The following CDH8 variants were observed in gnomAD, a reference collection of about 807,000 sequenced individuals.
The protein encoded by CDH8 is cadherin-8.
A neutral mutation model predicts 68.1 loss-of-function variants in CDH8; 17 were observed. That is an observed-to-expected ratio of 0.25 (90% CI 0.17 to 0.37). The LOEUF is 0.37. CDH8 is among the 10% of genes least tolerant of loss of function. CDH8 has a pLI of 1.00. For missense variants in CDH8, 763 were observed against 999.3 expected, an observed-to-expected ratio of 0.76 and a Z score of 3.19; for synonymous variants, 372 against 365.1, an observed-to-expected ratio of 1.02 and a Z score of -0.21.
intron 10 of CDH8, among the ~76,000 whole-genome samples, chr16:61,659,027 G>T (rs919378700): frequency 8.5e-5 from 13 of 152,068 alleles, no homozygotes; most frequent in African/African-American, 3.1e-4. Context: ...ACTCACTGCT[G>T]CTGGTATATA....
At position 61,804,154 on chromosome 16, in the gene CDH8, A is replaced by T. The variant is rs563554873; in HGVS notation, c.1277+13325T>A. The stretch of plus-strand genomic sequence containing the variant: ...CAGTGCAATCAAACTAGAACTCAGG[A>T]TTAAGAATCTCACTCAAAGCTGCTC... On this transcript the variant is annotated intron_variant, in intron 7 of 11. Transcript: ENST00000577390. Among the ~76,000 whole-genome samples, 44 of 148,192 alleles carry T rather than the reference A, an allele frequency of 3.0e-4. 2 individuals are homozygous for T. In the South Asian group the frequency reaches 8.9e-3, roughly 30 times the overall value.
At chr16:61,723,800 C>A (rs1266744178) in intron 9 of CDH8, among the ~76,000 whole-genome samples, 1 of 150,518 alleles carries the variant, frequency 6.6e-6, no homozygotes, top group Non-Finnish European at 1.5e-5. Flanking sequence ...CCATTTTTGC[C>A]ATGGACGTTA....
intron 2 of CDH8, among the ~76,000 whole-genome samples, chr16:61,976,364 G>A (rs1413530073): frequency 6.6e-6 from 1 of 152,132 alleles, no homozygotes; most frequent in Non-Finnish European, 1.5e-5. Context: ...AATAGCCCAG[G>A]TTGATTTTAT....
chr16:61,871,326 G>A (rs1039990129), intron 3 of CDH8, among the ~76,000 whole-genome samples: 14 of 151,304 alleles, frequency 9.3e-5, no homozygotes, highest in African/African-American at 3.2e-4. Flanking sequence ...GATTACAGGT[G>A]TGTAATCCCA....
rs537431432 is a variant in CDH8 at position 61,656,238 on chromosome 16, G to A, written c.1655-517C>T. ...GTTGAATGAATGGGACCCCCTGACG[G>A]ACCAACGGAGTTTTACCGTCATCAC... On this transcript the variant is annotated intron_variant, in intron 10 of 11. Coordinates refer to ENST00000577390, the MANE Select transcript of CDH8 (RefSeq NM_001796.5). 6.6e-5 allele frequency among the ~76,000 whole-genome samples: 10 copies of A among 152,236 alleles called. No individual in the cohort carries two copies. The South Asian group carries it at 2.1e-3, about 32-fold the overall frequency.
chr16:61,977,968 C>T (rs900849249), intron 2 of CDH8, among the ~76,000 whole-genome samples: 1 of 152,074 alleles, frequency 6.6e-6, no homozygotes, highest in Non-Finnish European at 1.5e-5. Flanking sequence ...GTGTTGCTTT[C>T]TTTCATTGTT....
At chr16:61,886,391 T>C (rs1408212590) in intron 3 of CDH8, among the ~76,000 whole-genome samples, 1 of 152,246 alleles carries the variant, frequency 6.6e-6, no homozygotes, top group Non-Finnish European at 1.5e-5. Flanking sequence ...TTATATCCTC[T>C]TACAGACCAA....
At chr16:61,941,685 A>AC (rs1282102812) in intron 2 of CDH8, among the ~76,000 whole-genome samples, 2 of 151,530 alleles carry the variant, frequency 1.3e-5, no homozygotes, top group Non-Finnish European at 2.9e-5. Context: ...CAGGTGATCC[A>AC]CCCCCCTTGC....
At chr16:61,771,472 CAAAAAAAA>C (rs11355312) in intron 8 of CDH8, among the ~76,000 whole-genome samples, 8 of 62,250 alleles carry the variant, frequency 1.3e-4, no homozygotes, top group East Asian at 4.5e-4. Flanking sequence ...AAAAGCCAGC[CAAAAAAAA>C]AAAAAAAAAA....
intron 5 of CDH8, among the ~76,000 whole-genome samples, chr16:61,824,252 C>T (rs1487397776): frequency 7.9e-5 from 12 of 151,760 alleles, no homozygotes; most frequent in Admixed American, 7.2e-4. Context: ...TATGTAGACA[C>T]AGGGCTTTTA....
intron 8 of CDH8, among the ~76,000 whole-genome samples, chr16:61,735,239 G>C (rs902785317): frequency 6.6e-6 from 1 of 151,898 alleles, no homozygotes; most frequent in African/African-American, 2.4e-5. Context: ...CTGGGGTTTC[G>C]AACTGGACAT....
chr16:62,030,398 A>G (rs775081574), intron 1 of CDH8, among the ~76,000 whole-genome samples: 28 of 152,078 alleles, frequency 1.8e-4, no homozygotes, highest in Non-Finnish European at 2.9e-4. Context: ...TTTTCTGAGC[A>G]TCCCCATGTT....
At chr16:61,732,002 C>A (rs1397002705) in intron 8 of CDH8, among the ~76,000 whole-genome samples, 3 of 151,138 alleles carry the variant, frequency 2.0e-5, no homozygotes, top group Admixed American at 6.6e-5. Flanking sequence ...ACTAGAGAGA[C>A]TCAAAAGTAG....
At position 61,653,424 on chromosome 16, in the gene CDH8, T is replaced by G. The variant is rs1004217416; in HGVS notation, c.*184A>C. On this transcript the variant is annotated 3_prime_UTR_variant, in exon 12 of 12. Transcript: ENST00000577390. ...TTCACACTCCACAAGATTTATAACC[T>G]CCTAACATATACTTTTTTATTTTAT... The G allele has an allele frequency of 1.3e-5, 18 of 1,403,216 alleles. No individual in the cohort carries two copies. In the African/African-American group the frequency reaches 2.5e-4, roughly 19 times the overall value. The allele number at this position is 1,403,216 out of a possible 1,614,324, so 86.9% of individuals were successfully genotyped here.
chr16:61,760,784 A>G (rs893144829), intron 8 of CDH8, among the ~76,000 whole-genome samples: 1 of 152,194 alleles, frequency 6.6e-6, no homozygotes, highest in Non-Finnish European at 1.5e-5. Context: ...TATAAGAAAC[A>G]TCTAGCAAGT....
intron 3 of CDH8, among the ~76,000 whole-genome samples, chr16:61,898,440 G>T (rs960984560): frequency 3.9e-5 from 6 of 152,106 alleles, no homozygotes; most frequent in African/African-American, 1.4e-4. Context: ...ATTTGCTGCC[G>T]AATGGGTGTA....
intron 2 of CDH8, among the ~76,000 whole-genome samples, chr16:61,910,049 T>C (rs898074392): frequency 6.6e-6 from 1 of 152,154 alleles, no homozygotes; most frequent in African/African-American, 2.4e-5. Context: ...CTCATTTTTT[T>C]ATAAAAAATA....
chr16:61,809,959 G>A (rs1961899982), intron 7 of CDH8, among the ~76,000 whole-genome samples: 1 of 152,182 alleles, frequency 6.6e-6, no homozygotes, highest in South Asian at 2.1e-4. Context: ...GGGATTTGCT[G>A]CCCTTGGAGA....
At chr16:61,952,044 A>G (rs1964906927) in intron 2 of CDH8, among the ~76,000 whole-genome samples, 1 of 152,208 alleles carries the variant, frequency 6.6e-6, no homozygotes, top group African/African-American at 2.4e-5. Context: ...CATGTCTTCT[A>G]CTTTATCTGT....
Sources: gnomAD v4.1 joint callset for allele counts (sites outside exome capture counted in the v4.1 genomes callset) on GRCh38, gnomAD v4.1.1 for gene constraint, MANE v1.5 for transcripts, NCBI Gene and HGNC (gene_info 2026-07-23, HGNC 2026-07-21) for gene names.